Variants in AVL9 observed in about 807,000 individuals in gnomAD.
AVL9 encodes late secretory pathway protein AVL9 homolog.
A neutral mutation model predicts 79.2 loss-of-function variants in AVL9; 49 were observed. The observed-to-expected ratio is 0.62, with a 90% confidence interval of 0.49 to 0.79. The LOEUF (loss-of-function observed/expected upper bound fraction) is 0.79. AVL9 is among the 30% of genes least tolerant of loss of function. The pLI, the probability that AVL9 is intolerant of heterozygous loss-of-function variation, is 0.00. For missense variants in AVL9, 682 were observed against 776.8 expected (o/e 0.88, Z 1.45); for synonymous variants, 299 against 280.6 (o/e 1.07, Z -0.65).
intron 10 of AVL9, among the ~76,000 whole-genome samples, chr7:32,561,714 C>T (rs1012010892): frequency 2.7e-5 from 4 of 147,900 alleles, no homozygotes; most frequent in Non-Finnish European, 6.0e-5. Context: ...TCTTTTGCAT[C>T]GACAACTTGG....
At chr7:32,570,714 G>A (rs1300315810) in intron 11 of AVL9, among the ~76,000 whole-genome samples, 11 of 151,164 alleles carry the variant, frequency 7.3e-5, no homozygotes, top group African/African-American at 2.7e-4. Context: ...CCACCTCCTG[G>A]GTTCAAGCAA....
At chr7:32,564,559 A>G (rs1790471139) in intron 10 of AVL9, among the ~76,000 whole-genome samples, 2 of 152,222 alleles carry the variant, frequency 1.3e-5, no homozygotes, top group South Asian at 2.1e-4. Context: ...AAATTTCTAC[A>G]TAATAAAATA....
At chr7:32,498,896 G>A (rs1043637885) in intron 1 of AVL9, among the ~76,000 whole-genome samples, 2 of 139,910 alleles carry the variant, frequency 1.4e-5, no homozygotes, top group Non-Finnish European at 3.1e-5. Context: ...GGGTGCAGTA[G>A]CTCATGCCTG....
rs554805856 is a variant in AVL9 at position 32,547,111 on chromosome 7, CAA to C, written c.301-1735_301-1734del. Reference sequence around the variant, plus strand: ...ATGGGGAAGAAGAGGAAGTTGGTATCAAGAGGTGACACACAGACATCTGGGTA... The same window carrying C: ...ATGGGGAAGAAGAGGAAGTTGGTATCGAGGTGACACACAGACATCTGGGTA... On this transcript the variant is annotated intron_variant, in intron 3 of 15. Coordinates refer to ENST00000318709, the MANE Select transcript of AVL9 (RefSeq NM_015060.3). 1.9e-4 allele frequency among the ~76,000 whole-genome samples: 29 copies of C among 152,262 alleles called. 1 individual carries two copies. In the East Asian group the frequency reaches 5.0e-3, roughly 26 times the overall value.
intron 10 of AVL9, among the ~76,000 whole-genome samples, chr7:32,563,272 T>A (rs1397315548): frequency 6.6e-6 from 1 of 152,046 alleles, no homozygotes; most frequent in Non-Finnish European, 1.5e-5. Flanking sequence ...TCTCAGGTGA[T>A]CCACCCACCT....
chr7:32,546,686 G>A (rs1789523352), intron 3 of AVL9, among the ~76,000 whole-genome samples: 2 of 152,124 alleles, frequency 1.3e-5, no homozygotes, highest in African/African-American at 4.8e-5. Flanking sequence ...AGCCAGGTGT[G>A]GCAGCGCACG....
At chr7:32,556,441 G>C (rs1197867962) in intron 8 of AVL9, among the ~76,000 whole-genome samples, 1 of 152,016 alleles carries the variant, frequency 6.6e-6, no homozygotes, top group African/African-American at 2.4e-5. Context: ...TTGAACCAGG[G>C]AGGCAGAGGT....
At chr7:32,568,416 G>C (rs1790680893) in intron 10 of AVL9, among the ~76,000 whole-genome samples, 1 of 151,842 alleles carries the variant, frequency 6.6e-6, no homozygotes, top group Admixed American at 6.6e-5. Context: ...GGCCAGGCTG[G>C]TCTCGAACTC....
chr7:32,532,981 A>C (rs968941935), intron 1 of AVL9: 1 of 149,722 alleles, frequency 6.7e-6, no homozygotes, highest in Admixed American at 6.8e-5. Context: ...ACACCAGTGC[A>C]CAGCAGCTTG....
At chr7:32,565,361 A>T (rs1047006424) in intron 10 of AVL9, among the ~76,000 whole-genome samples, 10 of 152,082 alleles carry the variant, frequency 6.6e-5, no homozygotes, top group Non-Finnish European at 1.3e-4. Context: ...GGAGTTTGAG[A>T]CCAGCCTGAC....
rs553550246 is a variant in AVL9 at position 32,559,072 on chromosome 7, G to A, written c.823G>A (p.Gly275Arg). The A allele has an allele frequency of 1.2e-6, 2 of 1,614,074 alleles. No homozygotes were observed. Among genetic ancestry groups the A allele is most frequent in the African/African-American group, 1.3e-5 (1 of 75,024 alleles). Residue 275 changes from glycine to arginine, a missense_variant, in exon 10 of 16, where the codon GGA becomes AGA. Gly to Arg is a moderately radical substitution (Grantham distance 125, BLOSUM62 -2). Transcript: ENST00000318709. ...STADVSHTNL[G>R]TIRKVMAGNH... Reference sequence around the variant, plus strand: ...TGCTGATGTTTCACATACCAACTTGGGAACTATCAGGAAAGTCATGGCAGG... The same window carrying A: ...TGCTGATGTTTCACATACCAACTTGAGAACTATCAGGAAAGTCATGGCAGG...
intron 1 of AVL9, among the ~76,000 whole-genome samples, chr7:32,519,754 CT>C (rs1289397409): frequency 6.6e-6 from 1 of 152,140 alleles, no homozygotes; most frequent in Non-Finnish European, 1.5e-5. Flanking sequence ...TTAGTTCATT[CT>C]TACATTGCTG....
In AVL9 at chr7:32,521,709, A is replaced by G. The variant is rs984231275; in HGVS notation, c.94-21432A>G. 3.9e-5 allele frequency among the ~76,000 whole-genome samples: 6 copies of G among 152,204 alleles called. No individual in the cohort carries two copies. The South Asian group carries it at 1.2e-3, about 31-fold the overall frequency. ...GCTGCGGAAATTTGTGTAAGTAGCA[A>G]GGAGCCTAATGTTAGTCCCCAAGAC... On this transcript the variant is annotated intron_variant, in intron 1 of 15. Transcript: ENST00000318709.
chr7:32,540,896 T>C (rs1789158854), intron 1 of AVL9, among the ~76,000 whole-genome samples: 7 of 49,532 alleles, frequency 1.4e-4, no homozygotes, highest in African/African-American at 8.1e-4. Context: ...TTTTTTTTTT[T>C]TTTTTTTTTT....
intron 3 of AVL9, among the ~76,000 whole-genome samples, chr7:32,547,379 C>G (rs1789565115): frequency 6.6e-6 from 1 of 152,216 alleles, no homozygotes; most frequent in South Asian, 2.1e-4. Context: ...TCTTTTGCTA[C>G]TTCACTGTTA....
chr7:32,531,111 C>G (rs1044620343), intron 1 of AVL9, among the ~76,000 whole-genome samples: 1 of 152,148 alleles, frequency 6.6e-6, no homozygotes, highest in Non-Finnish European at 1.5e-5. Context: ...AAAAGTTGTT[C>G]TTCAGGAATT....
At chr7:32,506,953 C>T (rs1787441148) in intron 1 of AVL9, among the ~76,000 whole-genome samples, 1 of 151,586 alleles carries the variant, frequency 6.6e-6, no homozygotes, top group Non-Finnish European at 1.5e-5. Context: ...AACATTGATG[C>T]AAAAATCCTT....
chr7:32,559,386 A>G lies in AVL9; in HGVS notation c.1137A>G (p.Gly379=), dbSNP rs528969457. 3 of 1,613,684 alleles carry G rather than the reference A, an allele frequency of 1.9e-6. No individual in the cohort carries two copies. Among genetic ancestry groups the G allele is most frequent in the Non-Finnish European group, 1.7e-6 (2 of 1,179,884 alleles). ...CTGTACAACCTCAAGCTAATACGGG[A>G]CAGGTAGTCCTGATACCAGGGCTCA... is the stretch of plus-strand genomic sequence containing the variant. ...PITVQPQANT[G]QVVLIPGLIS... The change falls in exon 10 of 16, where the codon GGA becomes GGG. Residue 379 remains glycine, a synonymous_variant. Transcript: ENST00000318709.
intron 10 of AVL9, chr7:32,562,527 T>C (rs541234035): frequency 1.7e-6 from 1 of 595,454 alleles, no homozygotes; most frequent in African/African-American, 2.0e-5. Flanking sequence ...AAATGCAATA[T>C]AGTAAATCAA....
Sources: allele counts gnomAD v4.1 joint callset (sites outside exome capture counted in the v4.1 genomes callset), GRCh38; gene constraint gnomAD v4.1.1; transcripts MANE v1.5; gene names NCBI Gene and HGNC (gene_info 2026-07-23, HGNC 2026-07-21).